INO80: variants seen among roughly 807,000 people sequenced by gnomAD.
INO80 encodes the protein INO80 complex ATPase subunit, also known as chromatin-remodeling ATPase INO80.
Under a neutral mutation model 203.4 loss-of-function variants are expected in INO80, and 20 were observed. That is an observed-to-expected ratio of 0.10 (90% CI 0.07 to 0.14). The LOEUF (loss-of-function observed/expected upper bound fraction) is 0.14. Ranked by LOEUF, INO80 falls within the 10% of genes least tolerant of loss-of-function variation. INO80 has a pLI of 1.00. For missense variants in INO80, 1,419 were observed against 1,914.4 expected (o/e 0.74, Z 4.83); for synonymous variants, 726 against 685.2 (o/e 1.06, Z -0.93).
At chr15:41,107,314 A>C (rs2045894243) in intron 1 of INO80, among the ~76,000 whole-genome samples, 1 of 152,228 alleles carries the variant, frequency 6.6e-6, no homozygotes, top group South Asian at 2.1e-4. Flanking sequence ...CAGCCTGGTC[A>C]ACAAGGTGAA....
intron 34 of INO80, chr15:40,983,309 A>G: frequency 1.9e-6 from 1 of 533,790 alleles, no homozygotes; most frequent in South Asian, 2.2e-5. Flanking sequence ...TTCATTCTGA[A>G]GAGCAGTTAC....
intron 14 of INO80, among the ~76,000 whole-genome samples, chr15:41,069,147 C>T (rs562711097): frequency 2.5e-4 from 38 of 152,098 alleles, no homozygotes; most frequent in East Asian, 5.8e-4. Flanking sequence ...GTTTTTGTGA[C>T]GGAAGGAGTC....
intron 12 of INO80, among the ~76,000 whole-genome samples, chr15:41,071,433 TC>T (rs1163291941): frequency 1.3e-5 from 2 of 150,082 alleles, no homozygotes; most frequent in African/African-American, 4.9e-5. Context: ...TAAAACATGA[TC>T]TTGTACTCAT....
intron 29 of INO80, among the ~76,000 whole-genome samples, chr15:40,993,777 T>G (rs28490216): frequency 2.9e-4 from 44 of 151,404 alleles, no homozygotes; most frequent in East Asian, 9.7e-4. Flanking sequence ...AATAAATAAA[T>G]AAAAAGAAAA....
chr15:41,073,559 A>T, intron 10 of INO80, 64 bp from the exon 11 acceptor site: 1 of 1,250,006 alleles, frequency 8.0e-7, no homozygotes, highest in Non-Finnish European at 1.2e-6. Flanking sequence ...GATACAATTA[A>T]CACCAATGTA....
chr15:41,037,531 A>G (rs1177797114), intron 24 of INO80, among the ~76,000 whole-genome samples: 2 of 152,028 alleles, frequency 1.3e-5, no homozygotes, highest in Non-Finnish European at 2.9e-5. Flanking sequence ...TAAATAAAAT[A>G]ATGTTAAGCT....
rs760436015 is a variant in INO80, at chr15:41,053,878, C to T, written c.2274+51G>A. 5 of 1,372,332 alleles carry T rather than the reference C, an allele frequency of 3.6e-6. No homozygotes were observed. In the African/African-American group the frequency reaches 5.7e-5, roughly 16 times the overall value. 85.0% of individuals were successfully genotyped at this position (1,372,332 alleles called of 1,614,324 possible). A position where few individuals can be genotyped will look rare whatever the true frequency, so the allele number is the denominator to read the frequency against. On this transcript the variant is annotated intron_variant, in intron 19 of 35. Transcript: ENST00000648947. ...ATCAATAAATTTCTCCCCCTGGAAT[C>T]TTAAGTTGGTGCCTATTGAGGCTTA... is the stretch of plus-strand genomic sequence containing the variant.
At chr15:41,072,952 T>C (rs1371853244) in intron 11 of INO80, among the ~76,000 whole-genome samples, 4 of 151,928 alleles carry the variant, frequency 2.6e-5, no homozygotes, top group Non-Finnish European at 5.9e-5. Flanking sequence ...GGCTAATTTT[T>C]TGTATTTTAG....
Position 41,089,452 on chromosome 15 carries a change from T to C in INO80, c.538-1770A>G, listed in dbSNP as rs540765993. 6.6e-5 allele frequency among the ~76,000 whole-genome samples: 10 copies of C among 152,236 alleles called. No homozygotes were observed. The East Asian group carries it at 1.9e-3, about 29-fold the overall frequency. On this transcript the variant is annotated intron_variant, in intron 5 of 35. Transcript: ENST00000648947. ...CATTATGTACAACGTTCCACACTTG[T>C]AGAAATAGTCAGAAGGCGGCTGGGC...
At chr15:41,047,212 G>A (rs1270034956) in intron 23 of INO80, among the ~76,000 whole-genome samples, 196 bp downstream of exon 23, 1 of 151,720 alleles carries the variant, frequency 6.6e-6, no homozygotes, top group Non-Finnish European at 1.5e-5. Flanking sequence ...TGATCCACCC[G>A]CCTCGGCCTC....
chr15:41,042,131 G>C (rs989057871), intron 24 of INO80, among the ~76,000 whole-genome samples: 7 of 151,144 alleles, frequency 4.6e-5, no homozygotes, highest in African/African-American at 1.7e-4. Context: ...TCCTACCTCA[G>C]GCTCCTGAGT....
intron 23 of INO80, among the ~76,000 whole-genome samples, chr15:41,045,574 T>A (rs1337377040): frequency 1.6e-5 from 1 of 61,402 alleles, no homozygotes; most frequent in Non-Finnish European, 3.4e-5. Flanking sequence ...AGAGCGAGAC[T>A]CTGTCTCAAA....
chr15:41,045,283 C>T (rs1381708034), intron 23 of INO80, among the ~76,000 whole-genome samples: 1 of 152,142 alleles, frequency 6.6e-6, no homozygotes, highest in Admixed American at 6.6e-5. Flanking sequence ...CTCCGCAAAG[C>T]TCCTATCAGT....
intron 24 of INO80, among the ~76,000 whole-genome samples, chr15:41,039,106 A>G (rs1295375054): frequency 1.3e-5 from 2 of 152,190 alleles, no homozygotes; most frequent in Non-Finnish European, 2.9e-5. Flanking sequence ...TTAACTTGGA[A>G]TTATGTTCCT....
At chr15:41,090,727 A>C (rs1356279432) in intron 5 of INO80, among the ~76,000 whole-genome samples, 3 of 152,108 alleles carry the variant, frequency 2.0e-5, no homozygotes, top group African/African-American at 7.2e-5. Flanking sequence ...ACAACTATGA[A>C]TATATTAAAA....
intron 7 of INO80, among the ~76,000 whole-genome samples, chr15:41,081,301 T>C (rs962104134): frequency 6.6e-6 from 1 of 152,218 alleles, no homozygotes; most frequent in African/African-American, 2.4e-5. Context: ...TAAATAGTCT[T>C]CTGTATACTT....
intron 25 of INO80, chr15:41,023,100 C>CAA (rs5812181): frequency 3.3e-4 from 101 of 302,242 alleles, no homozygotes; most frequent in South Asian, 1.0e-3. Flanking sequence ...CAGACTGTCT[C>CAA]AAAAAAAAAA....
At chr15:41,017,415 GAA>G (rs1342228865) in intron 26 of INO80, 5 of 152,176 alleles carry the variant, frequency 3.3e-5, no homozygotes, top group Admixed American at 2.6e-4. Context: ...AAGGGAGAGA[GAA>G]AGAATGGAGA....
intron 24 of INO80, among the ~76,000 whole-genome samples, chr15:41,032,707 T>G (rs2044508715): frequency 6.6e-6 from 1 of 152,204 alleles, no homozygotes; most frequent in Non-Finnish European, 1.5e-5. Flanking sequence ...ATGCCCCCGA[T>G]TTTTAGGAGT....
Sources: gnomAD v4.1 joint callset for allele counts (sites outside exome capture counted in the v4.1 genomes callset) on GRCh38, gnomAD v4.1.1 for gene constraint, MANE v1.5 for transcripts, NCBI Gene and HGNC (gene_info 2026-07-23, HGNC 2026-07-21) for gene names.